GAK: variants seen among roughly 807,000 people sequenced by gnomAD.
The protein encoded by GAK is cyclin-G-associated kinase.
A neutral mutation model predicts 143.9 loss-of-function variants in GAK; 79 were observed. That is an observed-to-expected ratio of 0.55 (90% CI 0.46 to 0.66). GAK has a LOEUF of 0.66. Ranked by LOEUF, GAK falls within the 30% of genes least tolerant of loss-of-function variation. GAK has a pLI of 0.00. For synonymous variants in GAK, 881 were observed against 765.5 expected, an observed-to-expected ratio of 1.15 and a Z score of -2.49; for missense variants, 1,693 against 1,779.7, an observed-to-expected ratio of 0.95 and a Z score of 0.88.
chr4:916,800 G>A (rs989586632), intron 1 of GAK, among the ~76,000 whole-genome samples: 1 of 152,206 alleles, frequency 6.6e-6, no homozygotes, highest in African/African-American at 2.4e-5. Context: ...TCTTAAAAAG[G>A]TGAACATAAA....
intron 21 of GAK, 142 bp from the exon 22 acceptor site, chr4:866,676 G>A (rs1447216880): frequency 1.1e-6 from 1 of 904,244 alleles, no homozygotes; most frequent in Non-Finnish European, 1.7e-6. Context: ...GGGCACTGAG[G>A]CAGTCAGCCC....
intron 1 of GAK, among the ~76,000 whole-genome samples, chr4:929,289 C>A (rs574191690): frequency 6.6e-6 from 1 of 152,348 alleles, no homozygotes; most frequent in Non-Finnish European, 1.5e-5. Flanking sequence ...AAATTACATA[C>A]AACACCCAAC....
chr4:910,900 C>T (rs1028088751), intron 4 of GAK, among the ~76,000 whole-genome samples: 12 of 152,282 alleles, frequency 7.9e-5, no homozygotes, highest in African/African-American at 2.6e-4. Flanking sequence ...GGGGTGGAGC[C>T]GCCCTCTGAG....
chr4:863,199 G>A (rs1043325134), intron 23 of GAK, among the ~76,000 whole-genome samples: 2 of 152,248 alleles, frequency 1.3e-5, no homozygotes, highest in East Asian at 1.9e-4. Context: ...GGAAGTCTCT[G>A]CAGATGTGGT....
At chr4:927,786 TGCCCCGCACCCCTCCCTGGGTGAGCGCAG>T (rs1418816973) in intron 1 of GAK, among the ~76,000 whole-genome samples, 38 of 134,290 alleles carry the variant, frequency 2.8e-4, no homozygotes, top group African/African-American at 6.5e-4. Context: ...CGCTCTGCAC[TGCCCCGCACCCCTCCCTGGGTGAGCGCAG>T]GCCCCGCACC....
At chr4:883,579 C>T in intron 12 of GAK, 116 bp from the exon 13 acceptor site, 1 of 1,164,994 alleles carries the variant, frequency 8.6e-7, no homozygotes, top group Non-Finnish European at 1.2e-6. Flanking sequence ...GGCAGCTCCA[C>T]CAGCCACTGC....
At chr4:909,114 T>G (rs925414690) in intron 4 of GAK, among the ~76,000 whole-genome samples, 51 of 152,384 alleles carry the variant, frequency 3.3e-4, no homozygotes, top group African/African-American at 1.0e-3. Context: ...CCCAAAGTGC[T>G]AGGATTACAG....
chr4:919,527 C>T (rs1368869274), intron 1 of GAK, among the ~76,000 whole-genome samples: 1 of 152,250 alleles, frequency 6.6e-6, no homozygotes, highest in Non-Finnish European at 1.5e-5. Context: ...TCCTCAAACG[C>T]AGCAGGCCCA....
chr4:894,018 A>T lies in GAK; in HGVS notation c.742-9T>A. On this transcript the variant is annotated splice_polypyrimidine_tract_variant and intron_variant, in intron 7 of 27. Coordinates refer to ENST00000314167, the MANE Select transcript of GAK (RefSeq NM_005255.4). ...AAGATGCAGCCCAGGGCCTGCGGGG[A>T]GAGCAGGGGTGATGCCTAGGCCCAC... The T allele has an allele frequency of 1.3e-6, 2 of 1,591,386 alleles. No individual in the cohort carries two copies. The highest frequency in any genetic ancestry group is 1.7e-6 in the Non-Finnish European group (2 of 1,168,944).
chr4:873,868 G>T (rs961510783), intron 18 of GAK, among the ~76,000 whole-genome samples: 2 of 152,222 alleles, frequency 1.3e-5, no homozygotes, highest in African/African-American at 4.8e-5. Flanking sequence ...ACTGGAGTGT[G>T]TCTTCTATCC....
chr4:864,465 T>C (rs527470002), intron 23 of GAK, among the ~76,000 whole-genome samples: 9 of 152,318 alleles, frequency 5.9e-5, no homozygotes, highest in African/African-American at 1.9e-4. Context: ...TCGCTTTGAC[T>C]GTGGTCTGGA....
chr4:907,028 A>G (rs1161208417), intron 4 of GAK, among the ~76,000 whole-genome samples: 2 of 152,160 alleles, frequency 1.3e-5, no homozygotes, highest in Non-Finnish European at 2.9e-5. Context: ...ACCACCTGCC[A>G]TGGGCATGGA....
intron 1 of GAK, among the ~76,000 whole-genome samples, chr4:923,695 T>C (rs556674089): frequency 8.0e-5 from 12 of 150,100 alleles, no homozygotes; most frequent in African/African-American, 2.5e-4. Context: ...AGTGGAGGGG[T>C]GGGGAGTGGA....
chr4:858,958 T>C (rs1053099363), intron 24 of GAK, among the ~76,000 whole-genome samples: 7 of 152,174 alleles, frequency 4.6e-5, no homozygotes, highest in African/African-American at 1.7e-4. Context: ...CCACCCAGCA[T>C]TCCACCCGAC....
intron 9 of GAK, 65 bp from the exon 10 acceptor site, chr4:890,687 C>G (rs2306253): frequency 0.08 from 111,563 of 1,387,258 alleles, 5,790 homozygotes; most frequent in East Asian, 0.29. Flanking sequence ...CCACGTCGGG[C>G]AGAGGTACGG....
At chr4:919,630 C>T (rs901561424) in intron 1 of GAK, among the ~76,000 whole-genome samples, 2 of 152,262 alleles carry the variant, frequency 1.3e-5, no homozygotes, top group African/African-American at 4.8e-5. Flanking sequence ...CCCTCAGGAG[C>T]TGCTCCTCAC....
At chr4:890,826 C>T (rs910168836) in intron 9 of GAK, among the ~76,000 whole-genome samples, 4 of 152,244 alleles carry the variant, frequency 2.6e-5, no homozygotes, top group African/African-American at 7.2e-5. Context: ...CCTCACCCCG[C>T]GGCCTGCCTC....
intron 1 of GAK, among the ~76,000 whole-genome samples, chr4:927,089 G>C (rs181933151): frequency 1.4e-3 from 39 of 28,384 alleles, no homozygotes; most frequent in South Asian, 1.9e-3. Flanking sequence ...CCTGCAGTCC[G>C]CACTGCCCCG....
chr4:893,068 TTTGGGGC>T (rs1377724086), intron 9 of GAK, among the ~76,000 whole-genome samples: 1 of 152,028 alleles, frequency 6.6e-6, no homozygotes, highest in African/African-American at 2.4e-5. Flanking sequence ...TGTGGGGGGA[TTTGGGGC>T]TCACATGTGC....
Sources: gnomAD v4.1 joint callset for allele counts (sites outside exome capture counted in the v4.1 genomes callset) on GRCh38, gnomAD v4.1.1 for gene constraint, MANE v1.5 for transcripts, NCBI Gene and HGNC (gene_info 2026-07-23, HGNC 2026-07-21) for gene names.